Variants in RTN4RL1 observed in about 807,000 individuals in gnomAD.
RTN4RL1 encodes reticulon-4 receptor-like 1.
A neutral mutation model predicts 25.6 loss-of-function variants in RTN4RL1; 7 were observed. The ratio of observed to expected loss-of-function variants is 0.27; its 90% CI spans 0.16 to 0.51. The LOEUF is 0.51. Among genes scored for constraint, RTN4RL1 ranks in the 20% least tolerant of loss-of-function variants. The probability of loss-of-function intolerance (pLI) is 0.97; values close to 1 mark genes in which losing one functional copy is unlikely to be tolerated. For missense variants in RTN4RL1, 500 were observed against 615.6 expected, an observed-to-expected ratio of 0.81 and a Z score of 1.99; for synonymous variants, 297 against 288.2, an observed-to-expected ratio of 1.03 and a Z score of -0.31.
chr17:1,965,600 G>A (rs1197364870), intron 1 of RTN4RL1, among the ~76,000 whole-genome samples: 1 of 152,122 alleles, frequency 6.6e-6, no homozygotes, highest in Non-Finnish European at 1.5e-5. Context: ...CCCAGTTACC[G>A]TGGAGGAGCA....
intron 1 of RTN4RL1, among the ~76,000 whole-genome samples, chr17:1,972,638 G>A (rs920906759): frequency 1.3e-5 from 2 of 152,138 alleles, no homozygotes; most frequent in African/African-American, 4.8e-5. Context: ...ACTCGTGCCT[G>A]TTTTCCCGCC....
chr17:2,005,739 TTCTCTCTCTC>T (rs61209329), intron 1 of RTN4RL1, among the ~76,000 whole-genome samples: 49 of 145,128 alleles, frequency 3.4e-4, no homozygotes, highest in Admixed American at 1.9e-3. Flanking sequence ...CTCTCTCTCT[TTCTCTCTCTC>T]TCTCTCTCTC....
chr17:1,996,129 C>T (rs956577203), intron 1 of RTN4RL1, among the ~76,000 whole-genome samples: 4 of 152,298 alleles, frequency 2.6e-5, no homozygotes, highest in Middle Eastern at 3.4e-3. Flanking sequence ...GCAATTTTCC[C>T]GGTACTCTCA....
At chr17:1,960,437 C>G (rs1169779863) in intron 1 of RTN4RL1, among the ~76,000 whole-genome samples, 1 of 152,200 alleles carries the variant, frequency 6.6e-6, no homozygotes, top group Non-Finnish European at 1.5e-5. Flanking sequence ...AGCGGCCCCA[C>G]CTCCCTCTCC....
At chr17:1,990,594 G>A (rs969254422) in intron 1 of RTN4RL1, among the ~76,000 whole-genome samples, 9 of 151,954 alleles carry the variant, frequency 5.9e-5, no homozygotes, top group South Asian at 2.1e-4. Flanking sequence ...CCAGCTACTC[G>A]GGAGGCTGAG....
rs377197101 is a variant in RTN4RL1 at position 1,976,044 on chromosome 17, T to A, written c.14-38236A>T. On this transcript the variant is annotated intron_variant, in intron 1 of 1. Transcript: ENST00000331238. ...ACTCACTCAAAATGCCTTTTAAAAATAACATATGATTTTCCTCCCTCTCCA... is the reference window on the plus strand; with the variant it reads ...ACTCACTCAAAATGCCTTTTAAAAAAAACATATGATTTTCCTCCCTCTCCA... Among the ~76,000 whole-genome samples the A allele has an allele frequency of 2.0e-4, 31 of 152,354 alleles. No homozygotes were observed. The East Asian group carries it at 5.0e-3, about 25-fold the overall frequency.
intron 1 of RTN4RL1, among the ~76,000 whole-genome samples, chr17:1,977,014 A>G (rs1464209692): frequency 6.6e-6 from 1 of 150,542 alleles, no homozygotes; most frequent in African/African-American, 2.5e-5. Flanking sequence ...CTCAGATCAG[A>G]CTCCCTGTGC....
At chr17:1,986,165 C>T (rs1223839166) in intron 1 of RTN4RL1, among the ~76,000 whole-genome samples, 2 of 152,092 alleles carry the variant, frequency 1.3e-5, no homozygotes, top group Non-Finnish European at 2.9e-5. Context: ...CTGGGGTCCA[C>T]AGAGTCATAA....
chr17:1,942,953 A>T (rs942959644), intron 1 of RTN4RL1, among the ~76,000 whole-genome samples: 10 of 152,200 alleles, frequency 6.6e-5, no homozygotes, highest in Admixed American at 2.6e-4. Context: ...AGGAGGCTGT[A>T]ACCTCAGCTC....
intron 1 of RTN4RL1, among the ~76,000 whole-genome samples, chr17:1,941,869 G>C (rs1056220934): frequency 6.6e-6 from 1 of 152,042 alleles, no homozygotes; most frequent in Non-Finnish European, 1.5e-5. Context: ...CCCCTGCTGG[G>C]TTTCTCCCAG....
At chr17:1,972,712 G>A (rs903361757) in intron 1 of RTN4RL1, among the ~76,000 whole-genome samples, 1 of 152,174 alleles carries the variant, frequency 6.6e-6, no homozygotes, top group African/African-American at 2.4e-5. Flanking sequence ...CAAGTGCCTC[G>A]AGAGCAGAGA....
chr17:1,958,344 C>T (rs1446903773), intron 1 of RTN4RL1, among the ~76,000 whole-genome samples: 3 of 152,238 alleles, frequency 2.0e-5, no homozygotes, highest in South Asian at 2.1e-4. Context: ...CCAGCATCGG[C>T]CCCCGCCAGT....
chr17:1,973,365 TAAA>T (rs35165215), intron 1 of RTN4RL1, among the ~76,000 whole-genome samples: 32,221 of 124,570 alleles, frequency 0.26, 3,857 homozygotes, highest in Middle Eastern at 0.35. Flanking sequence ...GACACTGTCT[TAAA>T]AAAAAAAAAA....
chr17:2,020,114 G>A (rs1162397509), intron 1 of RTN4RL1: 2 of 152,132 alleles, frequency 1.3e-5, no homozygotes, highest in East Asian at 3.9e-4. Flanking sequence ...AAGCTGTTTT[G>A]GTGAGATTGG....
At chr17:1,955,491 G>T (rs2151308409) in intron 1 of RTN4RL1, among the ~76,000 whole-genome samples, 1 of 151,916 alleles carries the variant, frequency 6.6e-6, no homozygotes, top group Middle Eastern at 3.4e-3. Context: ...GGGAGGTCAA[G>T]GCTGCTGTTA....
intron 1 of RTN4RL1, among the ~76,000 whole-genome samples, chr17:1,964,988 CATA>C (rs773296053): frequency 0.22 from 33,269 of 150,856 alleles, 4,040 homozygotes; most frequent in Middle Eastern, 0.29. Context: ...AGGGTTTCAC[CATA>C]TTGGTCAGGC....
chr17:1,990,983 A>G (rs553001241), intron 1 of RTN4RL1, among the ~76,000 whole-genome samples: 1 of 152,304 alleles, frequency 6.6e-6, no homozygotes, highest in South Asian at 2.1e-4. Context: ...GAGAGCATCC[A>G]GGGAACGAGT....
At chr17:1,967,362 C>A (rs2066796313) in intron 1 of RTN4RL1, among the ~76,000 whole-genome samples, 1 of 152,118 alleles carries the variant, frequency 6.6e-6, no homozygotes, top group Non-Finnish European at 1.5e-5. Context: ...CTAGATGGCC[C>A]CCTCAGCATC....
intron 1 of RTN4RL1, chr17:2,023,460 GCACAAGTCACA>G (rs2067235679): frequency 6.6e-6 from 1 of 152,198 alleles, no homozygotes; most frequent in Non-Finnish European, 1.5e-5. Context: ...CACGTGGAGG[GCACAAGTCACA>G]CACAAGTTTG....
Sources: allele counts gnomAD v4.1 joint callset (sites outside exome capture counted in the v4.1 genomes callset), GRCh38; gene constraint gnomAD v4.1.1; transcripts MANE v1.5; gene names NCBI Gene and HGNC (gene_info 2026-07-23, HGNC 2026-07-21).